The following ABHD3 variants were observed in gnomAD, a reference collection of about 807,000 sequenced individuals.
ABHD3 encodes abhydrolase domain containing 3, phospholipase.
A neutral mutation model predicts 48.8 loss-of-function variants in ABHD3; 46 were observed. The observed-to-expected ratio is 0.94, with a 90% CI of 0.74 to 1.20. The LOEUF (loss-of-function observed/expected upper bound fraction) is 1.20. ABHD3 is among the 50% of genes most tolerant of loss of function. The pLI is 0.00. For synonymous variants in ABHD3, 192 were observed against 183.7 expected, an observed-to-expected ratio of 1.04 and a Z score of -0.36; for missense variants, 490 against 497.8, an observed-to-expected ratio of 0.98 and a Z score of 0.15.
rs757711652 is a variant in ABHD3 at position 21,704,582 on chromosome 18, G to A, written c.84C>T (p.Phe28=). 7 of 1,549,366 alleles carry A rather than the reference G, an allele frequency of 4.5e-6. No homozygotes were observed. Among genetic ancestry groups the A allele is most frequent in the African/African-American group, 4.3e-5 (3 of 70,524 alleles). ...YLEHQVRVGF[F]GSGVGLSLIL... ...TAAGGGATAAGCCCACCCCCGAGCC[G>A]AAGAACCCCACCCGGACTTGGTGTT... Residue 28 remains phenylalanine (F), a synonymous_variant, in exon 1 of 9, where the codon TTC becomes TTT. Transcript: ENST00000289119.
chr18:21,696,644 T>C (rs186129071), intron 3 of ABHD3, among the ~76,000 whole-genome samples: 1 of 152,338 alleles, frequency 6.6e-6, no homozygotes, highest in East Asian at 1.9e-4. Flanking sequence ...AAACTGCCTT[T>C]TCTCCAGCTT....
intron 5 of ABHD3, among the ~76,000 whole-genome samples, chr18:21,660,784 T>C (rs1443066042): frequency 2.0e-5 from 3 of 152,166 alleles, no homozygotes; most frequent in African/African-American, 4.8e-5. Flanking sequence ...GTATACAGTA[T>C]TGTGATTCAC....
chr18:21,694,360 G>C (rs1368433291), intron 3 of ABHD3, among the ~76,000 whole-genome samples: 1 of 152,186 alleles, frequency 6.6e-6, no homozygotes, highest in Non-Finnish European at 1.5e-5. Flanking sequence ...GCCTCCCAAA[G>C]TGCTGGGATT....
chr18:21,658,584 G>A (rs1248795235), intron 6 of ABHD3, among the ~76,000 whole-genome samples: 1 of 152,158 alleles, frequency 6.6e-6, no homozygotes, highest in Non-Finnish European at 1.5e-5. Flanking sequence ...TAAAAATGGG[G>A]CACATACTTC....
At chr18:21,664,093 T>A in intron 5 of ABHD3, 25 bp downstream of exon 5, 1 of 1,594,552 alleles carries the variant, frequency 6.3e-7, no homozygotes, top group Non-Finnish European at 8.5e-7. Context: ...CTCTCAGAGA[T>A]TATTTTAGAA....
At chr18:21,694,524 A>T (rs755795850) in intron 3 of ABHD3, among the ~76,000 whole-genome samples, 1 of 152,228 alleles carries the variant, frequency 6.6e-6, no homozygotes, top group Non-Finnish European at 1.5e-5. Flanking sequence ...GAAGAATAAG[A>T]GATCCTAATT....
At chr18:21,689,238 T>C (rs2040191045) in intron 3 of ABHD3, among the ~76,000 whole-genome samples, 1 of 151,914 alleles carries the variant, frequency 6.6e-6, no homozygotes, top group East Asian at 1.9e-4. Context: ...CAATGATAAA[T>C]AAAAGTTGGA....
chr18:21,663,682 G>A (rs1388887550), intron 5 of ABHD3: 1 of 1,535,394 alleles, frequency 6.5e-7, no homozygotes, highest in South Asian at 1.2e-5. Context: ...TACCACCTGG[G>A]GAAAAATAAT....
intron 4 of ABHD3, among the ~76,000 whole-genome samples, chr18:21,679,697 T>C (rs185228084): frequency 2.0e-5 from 3 of 151,694 alleles, no homozygotes; most frequent in Admixed American, 2.0e-4. Flanking sequence ...CCCGGCTATT[T>C]TGTATTTTTA....
chr18:21,688,436 A>G (rs928390528), intron 3 of ABHD3, among the ~76,000 whole-genome samples: 2 of 152,342 alleles, frequency 1.3e-5, no homozygotes, highest in African/African-American at 4.8e-5. Context: ...GTGCCAGATC[A>G]TGTTCTAAGC....
chr18:21,654,504 G>A (rs908776911), intron 8 of ABHD3, among the ~76,000 whole-genome samples: 1 of 152,128 alleles, frequency 6.6e-6, no homozygotes, highest in Non-Finnish European at 1.5e-5. Context: ...CTGAGTTCAC[G>A]TCCTTAGCTA....
intron 3 of ABHD3, among the ~76,000 whole-genome samples, chr18:21,694,533 T>G (rs1382962539): frequency 6.6e-6 from 1 of 152,228 alleles, no homozygotes; most frequent in Admixed American, 6.5e-5. Flanking sequence ...GAGATCCTAA[T>G]TCTGTCAAAC....
chr18:21,665,103 C>T (rs572130082), intron 4 of ABHD3, among the ~76,000 whole-genome samples: 1 of 152,096 alleles, frequency 6.6e-6, no homozygotes, highest in East Asian at 1.9e-4. Context: ...CACCACCATG[C>T]CCGGCTAATT....
At chr18:21,676,921 T>C (rs1435838154) in intron 4 of ABHD3, among the ~76,000 whole-genome samples, 1 of 152,130 alleles carries the variant, frequency 6.6e-6, no homozygotes, top group African/African-American at 2.4e-5. Context: ...GAGATGTAAT[T>C]TGCATACCAT....
rs374399652 is a variant in ABHD3 at position 21,657,141 on chromosome 18, A to G, written c.854T>C (p.Met285Thr). Residue 285 changes from methionine (M) to threonine (T), a missense_variant, in exon 7 of 9, where the codon ATG becomes ACG. Physicochemically the swap from Met to Thr is moderately conservative, Grantham distance 81. Transcript: ENST00000289119. ...ATCCATATCAACTTGTTTTACAAAC[A>G]TATGTCGGTGCCTGGAACAAAAGAA... ...LQSSVNKHRH[M>T]FVKQVDMDHV... 1.2e-5 allele frequency: 19 copies of G among 1,609,084 alleles called. No homozygotes were observed. In the African/African-American group the frequency reaches 1.3e-4, roughly 11 times the overall value.
chr18:21,652,716 A>G (rs938506552), intron 8 of ABHD3, among the ~76,000 whole-genome samples: 3 of 149,344 alleles, frequency 2.0e-5, no homozygotes, highest in African/African-American at 5.0e-5. Context: ...CGGAGATTGC[A>G]GTGAGCCGAG....
In ABHD3 at chr18:21,694,109, T is replaced by C. The variant is rs116798129; in HGVS notation, c.509+8207A>G. The stretch of plus-strand genomic sequence containing the variant: ...CTCAGGATCACATTTTTTTTTAAAA[T>C]TTATTTTTATTTTTTTTGAGACTAA... On this transcript the variant is annotated intron_variant, in intron 3 of 8. Transcript: ENST00000289119. Among the ~76,000 whole-genome samples the C allele has an allele frequency of 9.2e-3, 1,406 of 152,128 alleles. 19 individuals are homozygous for C. The highest frequency in any genetic ancestry group is 0.032 in the African/African-American group (1,328 of 41,442).
chr18:21,701,830 A>G (rs1029032566), intron 3 of ABHD3: 1 of 152,288 alleles, frequency 6.6e-6, no homozygotes, highest in Non-Finnish European at 1.5e-5. Context: ...TCAGGTGGTC[A>G]GAAGAGGCAG....
chr18:21,695,527 T>A (rs2040350409), intron 3 of ABHD3, among the ~76,000 whole-genome samples: 1 of 152,204 alleles, frequency 6.6e-6, no homozygotes, highest in African/African-American at 2.4e-5. Flanking sequence ...AAGCAACATG[T>A]TAGGTTGGTG....
Sources: allele counts gnomAD v4.1 joint callset (sites outside exome capture counted in the v4.1 genomes callset), GRCh38; gene constraint gnomAD v4.1.1; transcripts MANE v1.5; gene names NCBI Gene and HGNC (gene_info 2026-07-23, HGNC 2026-07-21).